The following ZNF765 variants were observed in gnomAD, a reference collection of about 807,000 sequenced individuals.
The protein encoded by ZNF765 is zinc finger protein 765.
In ZNF765, 37 loss-of-function variants were observed where a neutral mutation model predicts 44.7. The observed-to-expected ratio is 0.83, with a 90% CI of 0.64 to 1.09. ZNF765 has a LOEUF of 1.09. ZNF765 is among the 50% of genes least tolerant of loss of function. The pLI is 0.00. For missense variants in ZNF765, 594 were observed against 626.1 expected, an observed-to-expected ratio of 0.95 and a Z score of 0.55; for synonymous variants, 201 against 213.7, an observed-to-expected ratio of 0.94 and a Z score of 0.52.
At position 53,396,769 on chromosome 19, in the gene ZNF765, A is replaced by G. The variant is rs115087653; in HGVS notation, c.-73-1174A>G. On this transcript the variant is annotated intron_variant, in intron 1 of 3. Coordinates refer to ENST00000396408, the MANE Select transcript of ZNF765 (RefSeq NM_001040185.3). ...TTAGTTTTTTGGAGTGAATGAATGC[A>G]TATTGATTTTTTAAATTTCTGCCTC... Among the ~76,000 whole-genome samples, 1,052 of 152,304 alleles carry G rather than the reference A, an allele frequency of 6.9e-3. 13 individuals are homozygous for G. Among genetic ancestry groups the G allele is most frequent in the African/African-American group, 0.024 (990 of 41,566 alleles).
intron 2 of ZNF765, among the ~76,000 whole-genome samples, chr19:53,398,588 CTTTAT>C (rs2085693364): frequency 6.6e-6 from 1 of 152,094 alleles, no homozygotes; most frequent in Non-Finnish European, 1.5e-5. Context: ...TTTATTCCGT[CTTTAT>C]TTTAAGAATA....
intron 3 of ZNF765, among the ~76,000 whole-genome samples, chr19:53,406,362 A>AT (rs1343630813): frequency 1.3e-5 from 2 of 151,706 alleles, no homozygotes; most frequent in African/African-American, 2.4e-5. Flanking sequence ...AATGCTGTGT[A>AT]TTTTTTTGAC....
chr19:53,395,809 G>T (rs2085662259), intron 1 of ZNF765, among the ~76,000 whole-genome samples: 1 of 152,224 alleles, frequency 6.6e-6, no homozygotes, highest in South Asian at 2.1e-4. Flanking sequence ...CCCCCGGGAT[G>T]CAGGCGTTTT....
chr19:53,422,743 C>A (rs149904118), intron 3 of ZNF765, among the ~76,000 whole-genome samples: 11,220 of 152,036 alleles, frequency 0.074, 962 homozygotes, highest in African/African-American at 0.2. Flanking sequence ...GCATCACGTT[C>A]CCTGCAGGAT....
Position 53,407,747 on chromosome 19 carries a change from C to T in ZNF765, c.192C>T (p.Gly64=), listed in dbSNP as rs201914728. ...MMKEFSSTAQ[G]NREVFHAGTS... is the part of the protein sequence containing the mutation. ...AGGAGTTCTCGTCAACAGCACAAGGCAATAGAGAAGTGTTCCATGCAGGGA... is the reference window on the plus strand; with the variant it reads ...AGGAGTTCTCGTCAACAGCACAAGGTAATAGAGAAGTGTTCCATGCAGGGA... The change falls in exon 4 of 4, where the codon GGC becomes GGT. Residue 64 remains glycine, a synonymous_variant. Transcript: ENST00000396408. 3.8e-6 allele frequency: 6 copies of T among 1,593,006 alleles called. No homozygotes were observed. The East Asian group carries it at 6.7e-5, about 18-fold the overall frequency.
At chr19:53,398,893 G>A (rs936908913) in intron 2 of ZNF765, among the ~76,000 whole-genome samples, 6 of 151,930 alleles carry the variant, frequency 3.9e-5, no homozygotes, top group African/African-American at 1.5e-4. Context: ...GGGATTATAG[G>A]TGTGCACCAC....
downstream of ZNF765, chr19:53,412,094 C>T: frequency 3.7e-6 from 1 of 271,070 alleles, no homozygotes. Flanking sequence ...TGAGAGCACT[C>T]TTGCATCATG....
rs758507745 is a variant in ZNF765, at chr19:53,409,125, T to G, written c.1570T>G (p.Ter524GluextTer1). Reference protein sequence around the residue: ...RIYTGEKLHV* With the variant: ...RIYTGEKLHVE ...TTATACTGGAGAGAAACTACACGTG[T>G]AATGAGTGTGGTAAGACCTTCAATC... The change falls in exon 4 of 4, where the codon TAA (stop) becomes GAA (glutamate). Residue 524 changes from the stop codon to glutamate (E), a stop_lost. Coordinates refer to ENST00000396408, the MANE Select transcript of ZNF765 (RefSeq NM_001040185.3). 1 of 1,611,792 alleles carries G rather than the reference T, an allele frequency of 6.2e-7. No homozygotes were observed. The highest frequency in any genetic ancestry group is 1.1e-5 in the South Asian group (1 of 91,002).
Position 53,408,916 on chromosome 19 carries a change from A to G in ZNF765, c.1361A>G (p.Glu454Gly). The change falls in exon 4 of 4, where the codon GAA becomes GGA. Residue 454 changes from glutamate to glycine, a missense_variant. Glu to Gly is a moderately conservative substitution (Grantham distance 98). This residue lies in a region of ZNF765 where 567 missense variants were observed against 572.6 expected (regional missense o/e 0.99). Coordinates refer to ENST00000396408, the MANE Select transcript of ZNF765 (RefSeq NM_001040185.3). The part of the protein sequence containing the change: ...DKAYSFKSNL[E>G]IHQKIHTEEN... ...GCCTACAGTTTCAAATCAAACCTTG[A>G]AATACATCAGAAAATTCATACTGAA... The G allele has an allele frequency of 6.2e-7, 1 of 1,612,196 alleles. No individual in the cohort carries two copies.
At chr19:53,425,771 G>A (rs1382242677) in exon 4 of ZNF765, 1 of 152,494 alleles carries the variant, frequency 6.6e-6, no homozygotes, top group Non-Finnish European at 1.5e-5. Context: ...TTCTGACCCT[G>A]AATAGTCACC....
chr19:53,404,619 A>G (rs1568778182), intron 3 of ZNF765, among the ~76,000 whole-genome samples: 1 of 149,694 alleles, frequency 6.7e-6, no homozygotes, highest in East Asian at 2.0e-4. Context: ...CACCTGGCTA[A>G]TGTGTGTGTG....
intron 2 of ZNF765, among the ~76,000 whole-genome samples, chr19:53,401,145 C>G (rs1388445936): frequency 1.3e-5 from 2 of 152,104 alleles, no homozygotes; most frequent in Non-Finnish European, 2.9e-5. Context: ...GGATAACAGG[C>G]ATGTGCCACT....
At chr19:53,401,481 T>G (rs1490780018) in intron 2 of ZNF765, among the ~76,000 whole-genome samples, 1 of 151,548 alleles carries the variant, frequency 6.6e-6, no homozygotes, top group Non-Finnish European at 1.5e-5. Flanking sequence ...GAGAATGGCG[T>G]GAACCGGGGA....
At chr19:53,399,505 G>C (rs1412869052) in intron 2 of ZNF765, among the ~76,000 whole-genome samples, 13 of 149,056 alleles carry the variant, frequency 8.7e-5, no homozygotes, top group Admixed American at 6.7e-4. Flanking sequence ...TCAATAAATT[G>C]AAAAAAAAAT....
intron 2 of ZNF765, among the ~76,000 whole-genome samples, chr19:53,399,241 C>A (rs374606761): frequency 1.5e-5 from 2 of 131,880 alleles, no homozygotes; most frequent in Non-Finnish European, 3.2e-5. Context: ...CCCCCTCCCC[C>A]ACCCCACAAC....
At chr19:53,395,773 C>T (rs2085661859) in intron 1 of ZNF765, among the ~76,000 whole-genome samples, 1 of 152,204 alleles carries the variant, frequency 6.6e-6, no homozygotes, top group South Asian at 2.1e-4. Flanking sequence ...CTTGCCTGCC[C>T]AGCTCCAGCC....
downstream of ZNF765, among the ~76,000 whole-genome samples, chr19:53,414,328 C>G (rs1261781193): frequency 1.3e-5 from 2 of 150,014 alleles, no homozygotes; most frequent in Non-Finnish European, 3.0e-5. Flanking sequence ...TAAGTTGCTA[C>G]ATGGAGAGCA....
In ZNF765 at chr19:53,421,978, T is replaced by C. The variant is rs1209947985; in HGVS notation, c.143-1084T>C. Among the ~76,000 whole-genome samples the C allele has an allele frequency of 4.6e-5, 7 of 152,258 alleles. No individual in the cohort carries two copies. The Middle Eastern group carries it at 0.014, about 296-fold the overall frequency. ...GAGTCTCTGTGTGGCTGTCCTGATA[T>C]GGGGTCGACTTTTTAAACCTACTTT... On this transcript the variant is annotated intron_variant, in intron 3 of 3. Transcript: ENST00000594030.
In ZNF765 at chr19:53,409,408, A is replaced by C; in HGVS notation, c.*281A>C. The C allele has an allele frequency of 2.4e-6, 2 of 846,170 alleles. No homozygotes were observed. The highest frequency in any genetic ancestry group is 4.1e-6 in the Non-Finnish European group (2 of 486,276). The allele number at this position is 846,170 out of a possible 1,614,324, so 52.4% of individuals were successfully genotyped here. On this transcript the variant is annotated 3_prime_UTR_variant, in exon 4 of 4. Coordinates refer to ENST00000396408, the MANE Select transcript of ZNF765 (RefSeq NM_001040185.3). ...TGAAGAAGCTTTCTGTTTCAAATCC[A>C]ACCTTGAAAGACATAGGAGAATTCA...
Sources: allele counts gnomAD v4.1 joint callset (sites outside exome capture counted in the v4.1 genomes callset), GRCh38; gene constraint gnomAD v4.1.1; regional missense constraint gnomAD v4.1.1; transcripts MANE v1.5; gene names NCBI Gene and HGNC (gene_info 2026-07-23, HGNC 2026-07-21).